The following BECN1 variants were observed in gnomAD, a reference collection of about 807,000 sequenced individuals.
BECN1 encodes the protein beclin-1.
Under a neutral mutation model 60.1 loss-of-function variants are expected in BECN1, and 15 were observed. The ratio of observed to expected loss-of-function variants is 0.25; its 90% CI spans 0.17 to 0.38. The LOEUF (loss-of-function observed/expected upper bound fraction) is 0.38, where lower values mean the gene tolerates loss of function less well. Ranked by LOEUF, BECN1 falls within the 10% of genes least tolerant of loss-of-function variation. BECN1 has a pLI of 1.00. For synonymous variants in BECN1, 179 were observed against 201.8 expected (o/e 0.89, Z 0.96); for missense variants, 424 against 548.2 (o/e 0.77, Z 2.26).
intron 2 of BECN1, among the ~76,000 whole-genome samples, chr17:42,821,912 T>C (rs1382768776): frequency 6.6e-6 from 1 of 152,148 alleles, no homozygotes; most frequent in Non-Finnish European, 1.5e-5. Flanking sequence ...CAAAAATTGT[T>C]ATTAAAAGAG....
At chr17:42,811,215 A>G in intron 11 of BECN1, 1 of 336,320 alleles carries the variant, frequency 3.0e-6, no homozygotes, top group Admixed American at 4.7e-5. Context: ...TTTCCTAGGC[A>G]TCCCTGAACT....
At chr17:42,817,183 T>C (rs969213405) in intron 7 of BECN1, among the ~76,000 whole-genome samples, 45 of 151,292 alleles carry the variant, frequency 3.0e-4, no homozygotes, top group African/African-American at 1.1e-3. Flanking sequence ...TAGTTCCAGC[T>C]ACTTGGGAGG....
In BECN1 at chr17:42,810,566, T is replaced by C; in HGVS notation, c.*194A>G. Reference sequence around the variant, plus strand: ...ATCAAAACTGACCAGGGCTGGCAACTATAGATGGCATGTTGTAGCTCTGGA... The same window carrying C: ...ATCAAAACTGACCAGGGCTGGCAACCATAGATGGCATGTTGTAGCTCTGGA... On this transcript the variant is annotated 3_prime_UTR_variant, in exon 12 of 12. Transcript: ENST00000590099. The C allele has an allele frequency of 2.0e-6, 1 of 500,848 alleles. No individual in the cohort carries two copies. The highest frequency in any genetic ancestry group is 3.3e-6 in the Non-Finnish European group (1 of 305,540). The allele number at this position is 500,848 out of a possible 1,614,324, so 31.0% of individuals were successfully genotyped here.
chr17:42,819,127 A>G (rs547225498), intron 4 of BECN1: 18 of 539,446 alleles, frequency 3.3e-5, no homozygotes, highest in South Asian at 2.8e-4. Context: ...TAAAAAATTC[A>G]TATGTCTACA....
At chr17:42,820,907 G>A in intron 2 of BECN1, 66 bp from the exon 3 acceptor site, 3 of 1,408,612 alleles carry the variant, frequency 2.1e-6, no homozygotes, top group Non-Finnish European at 3.0e-6. Flanking sequence ...CTGAAAGTAT[G>A]GGAAAAGAAT....
chr17:42,813,372 C>T (rs2055075968), intron 10 of BECN1, among the ~76,000 whole-genome samples: 2 of 151,714 alleles, frequency 1.3e-5, no homozygotes, highest in Admixed American at 6.6e-5. Flanking sequence ...CCCATCTCTA[C>T]TAAAAATACA....
At chr17:42,818,033 C>A (rs926249516) in intron 7 of BECN1, among the ~76,000 whole-genome samples, 188 bp downstream of exon 7, 1 of 152,178 alleles carries the variant, frequency 6.6e-6, no homozygotes, top group African/African-American at 2.4e-5. Context: ...ATCATGCTGA[C>A]TCTTCATAGG....
intron 3 of BECN1, 76 bp from the exon 4 acceptor site, chr17:42,819,685 T>TATA: frequency 7.0e-7 from 1 of 1,433,254 alleles, no homozygotes; most frequent in Non-Finnish European, 9.7e-7. Context: ...GCCTCAGAAC[T>TATA]ATATGGCTTT....
At chr17:42,816,693 G>C (rs558416246) in intron 7 of BECN1, among the ~76,000 whole-genome samples, 1 of 146,398 alleles carries the variant, frequency 6.8e-6, no homozygotes, top group Non-Finnish European at 1.5e-5. Flanking sequence ...CTTCTGGGCC[G>C]GGTGCAGTGG....
chr17:42,813,327 G>C (rs1022307912), intron 10 of BECN1, among the ~76,000 whole-genome samples: 1 of 151,728 alleles, frequency 6.6e-6, no homozygotes, highest in African/African-American at 2.4e-5. Flanking sequence ...CTGAGGTCAG[G>C]AGTTCGAGAC....
At chr17:42,818,900 G>A (rs777929031) in intron 4 of BECN1, 23 bp from the exon 5 acceptor site, 18 of 1,612,904 alleles carry the variant, frequency 1.1e-5, no homozygotes, top group Admixed American at 5.0e-5. Context: ...CCCCGCCCAC[G>A]GGCCACATGA....
At chr17:42,819,156 C>T in intron 4 of BECN1, 1 of 487,872 alleles carries the variant, frequency 2.0e-6, no homozygotes, top group Admixed American at 3.7e-5. Context: ...GAAGGGAGAA[C>T]CAGGAAAGGC....
chr17:42,818,701 G>A (rs749674509), intron 5 of BECN1, 21 bp from the exon 6 acceptor site: 1 of 1,614,136 alleles, frequency 6.2e-7, no homozygotes, highest in Non-Finnish European at 8.5e-7. Flanking sequence ...GGGAGAGTCA[G>A]GGTAGGGCCT....
chr17:42,821,665 T>C (rs562824888), intron 2 of BECN1, among the ~76,000 whole-genome samples: 1 of 152,314 alleles, frequency 6.6e-6, no homozygotes, highest in Admixed American at 6.5e-5. Flanking sequence ...ATTACATCAG[T>C]GTATCCATTT....
intron 2 of BECN1, among the ~76,000 whole-genome samples, chr17:42,821,665 T>G (rs562824888): frequency 2.0e-5 from 3 of 152,314 alleles, no homozygotes; most frequent in Admixed American, 6.5e-5. Context: ...ATTACATCAG[T>G]GTATCCATTT....
intron 4 of BECN1, 118 bp downstream of exon 4, chr17:42,819,430 G>T: frequency 9.0e-7 from 1 of 1,114,982 alleles, no homozygotes. Flanking sequence ...TTTCTGAAAG[G>T]GCCAAAAGGC....
At chr17:42,813,751 C>T (rs2055086376) in intron 10 of BECN1, 197 bp downstream of exon 10, 4 of 455,924 alleles carry the variant, frequency 8.8e-6, no homozygotes, top group Non-Finnish European at 1.6e-5. Context: ...CCCTTCTCAA[C>T]AGACTGTCAA....
At position 42,818,232 on chromosome 17, in the gene BECN1, C is replaced by T; in HGVS notation, c.672G>A (p.Gln224=). ...KVQAEAERLD[Q]EEAQYQREYS... ...GGGTGAGCACTCACTGAGCTTCCTC[C>T]TGATCCAGTCTCTCAGCCTCAGCCT... The change falls in exon 7 of 12, where the codon CAG becomes CAA. Residue 224 remains glutamine, a synonymous_variant. Transcript: ENST00000590099. 1.2e-6 allele frequency: 2 copies of T among 1,614,066 alleles called. No individual in the cohort carries two copies. The highest frequency in any genetic ancestry group is 1.7e-6 in the Non-Finnish European group (2 of 1,179,974).
In BECN1 at chr17:42,818,239, A is replaced by T; in HGVS notation, c.665T>A (p.Leu222Gln). ...CACTCACTGAGCTTCCTCCTGATCCAGTCTCTCAGCCTCAGCCTGGACCTT... is the reference window on the plus strand; with the variant it reads ...CACTCACTGAGCTTCCTCCTGATCCTGTCTCTCAGCCTCAGCCTGGACCTT... ...LEKVQAEAER[L>Q]DQEEAQYQRE... Residue 222 changes from leucine (L) to glutamine (Q), a missense_variant, in exon 7 of 12, where the codon CTG (leucine) becomes CAG (glutamine). Around this residue, in one of 3 missense-constraint regions of BECN1, gnomAD observed 326 missense variants for 406.2 expected, o/e 0.80. Transcript: ENST00000590099. 6.2e-7 allele frequency: 1 copy of T among 1,614,168 alleles called. No individual in the cohort carries two copies. The highest frequency in any genetic ancestry group is 1.7e-5 in the Admixed American group (1 of 60,024).
Sources: gnomAD v4.1 joint callset for allele counts (sites outside exome capture counted in the v4.1 genomes callset) on GRCh38, gnomAD v4.1.1 for gene constraint, gnomAD v4.1.1 regional missense constraint, MANE v1.5 for transcripts, NCBI Gene and HGNC (gene_info 2026-07-23, HGNC 2026-07-21) for gene names.